The following ASZ1 variants were observed in gnomAD, a reference collection of about 807,000 sequenced individuals.
ASZ1 encodes ankyrin repeat, SAM and basic leucine zipper domain-containing protein 1.
In ASZ1, 67 loss-of-function variants were observed where a neutral mutation model predicts 61.8. That is an observed-to-expected ratio of 1.08 (90% CI 0.89 to 1.33). The LOEUF is 1.33. Ranked by LOEUF, ASZ1 falls within the 40% of genes most tolerant of loss-of-function variation. The pLI, the probability that ASZ1 is intolerant of heterozygous loss-of-function variation, is 0.00. For synonymous variants in ASZ1, 193 were observed against 192.7 expected (o/e 1.00, Z -0.01); for missense variants, 577 against 554.5 (o/e 1.04, Z -0.41).
intron 4 of ASZ1, among the ~76,000 whole-genome samples, chr7:117,404,110 T>C (rs369656210): frequency 1.7e-4 from 26 of 152,288 alleles, no homozygotes; most frequent in African/African-American, 6.0e-4. Flanking sequence ...AGTCTATTTT[T>C]AGGTGACCTA....
chr7:117,368,819 C>G (rs1795994358), intron 10 of ASZ1, 102 bp from the exon 11 acceptor site: 1 of 1,552,898 alleles, frequency 6.4e-7, no homozygotes, highest in East Asian at 2.3e-5. Context: ...AAATTAGATT[C>G]TTCCAAAAGA....
chr7:117,427,464 A>G lies in ASZ1; in HGVS notation c.-4T>C, dbSNP rs1196507726. On this transcript the variant is annotated 5_prime_UTR_variant, in exon 1 of 13. Transcript: ENST00000284629. ...CTCGCAGCGCGCTCGCCGCCATGCC[A>G]GCCAAGGAAGCTCCCTGTCGGCACC... 5.6e-6 allele frequency: 9 copies of G among 1,613,584 alleles called. No homozygotes were observed. Among genetic ancestry groups the G allele is most frequent in the South Asian group, 2.2e-5 (2 of 91,070 alleles).
At position 117,426,900 on chromosome 7, in the gene ASZ1, TTTC is replaced by T. The variant is rs1287396881; in HGVS notation, c.138_140del (p.Lys47del). On this transcript the variant is annotated inframe_deletion, in exon 2 of 13. Coordinates refer to ENST00000284629, the MANE Select transcript of ASZ1 (RefSeq NM_130768.3). ...TGGTCATTGCTTTCTTAAATTTTTCTTTCTTTTCTTCAATGGGTAATAGCCTTT... is the reference window on the plus strand; with the variant it reads ...TGGTCATTGCTTTCTTAAATTTTTCTTTTTCTTCAATGGGTAATAGCCTTT... 1 of 1,612,998 alleles carries T rather than the reference TTTC, an allele frequency of 6.2e-7. No homozygotes were observed. The highest frequency in any genetic ancestry group is 1.3e-5 in the African/African-American group (1 of 74,832).
In ASZ1 at chr7:117,382,063, T is replaced by G. The variant is rs762989561; in HGVS notation, c.888+6A>C. 4 of 1,538,902 alleles carry G rather than the reference T, an allele frequency of 2.6e-6. No individual in the cohort carries two copies. The highest frequency in any genetic ancestry group is 1.7e-4 in the Middle Eastern group (1 of 5,878). The stretch of plus-strand genomic sequence containing the variant: ...ATAACTCACTGTAGGTTATATAAGA[T>G]CTTACCTTTAGTAAATCTGTCATAT... On this transcript the variant is annotated splice_donor_region_variant and intron_variant, in intron 8 of 12. Transcript: ENST00000284629.
chr7:117,379,808 C>T, intron 10 of ASZ1, 130 bp downstream of exon 10: 1 of 557,916 alleles, frequency 1.8e-6, no homozygotes, highest in Non-Finnish European at 3.0e-6. Flanking sequence ...AACACAGTAT[C>T]TTCCAAAATC....
chr7:117,371,824 T>C (rs988319804), intron 10 of ASZ1, among the ~76,000 whole-genome samples: 8 of 152,192 alleles, frequency 5.3e-5, no homozygotes, highest in African/African-American at 1.9e-4. Context: ...AAGTATCAAC[T>C]GATAGCAGGT....
intron 4 of ASZ1, among the ~76,000 whole-genome samples, chr7:117,404,429 T>C (rs1253462125): frequency 6.6e-6 from 1 of 151,764 alleles, no homozygotes; most frequent in Non-Finnish European, 1.5e-5. Flanking sequence ...TTTTTTTTTT[T>C]TTGACTCCTT....
chr7:117,384,358 G>A (rs1796308624), intron 6 of ASZ1, among the ~76,000 whole-genome samples: 1 of 152,122 alleles, frequency 6.6e-6, no homozygotes, highest in South Asian at 2.1e-4. Context: ...ACTTACAAAA[G>A]AATGTTTGAG....
At chr7:117,418,152 T>C (rs534263729) in intron 4 of ASZ1, among the ~76,000 whole-genome samples, 26 of 152,256 alleles carry the variant, frequency 1.7e-4, no homozygotes, top group African/African-American at 6.0e-4. Context: ...CAAAATCTCA[T>C]AGAGGCAGTC....
intron 10 of ASZ1, among the ~76,000 whole-genome samples, chr7:117,372,160 T>C (rs1796061668): frequency 6.6e-6 from 1 of 152,088 alleles, no homozygotes; most frequent in Non-Finnish European, 1.5e-5. Context: ...ATTTAAAAAA[T>C]TCAAAATAAG....
At position 117,363,222 on chromosome 7, in the gene ASZ1, A is replaced by T. The variant is rs1028919763; in HGVS notation, c.*374T>A. ...CCATATTATGTAATAATGGAGGGGG[A>T]AAAAAGAAACAAAAGAAAGCTCAAT... On this transcript the variant is annotated 3_prime_UTR_variant, in exon 13 of 13. Coordinates refer to ENST00000284629, the MANE Select transcript of ASZ1 (RefSeq NM_130768.3). The T allele has an allele frequency of 6.5e-6, 1 of 153,186 alleles. No homozygotes were observed. Among genetic ancestry groups the T allele is most frequent in the Non-Finnish European group, 1.5e-5 (1 of 68,728 alleles). The allele number at this position is 153,186 out of a possible 1,614,324, so 9.5% of individuals were successfully genotyped here.
rs201983725 is a variant in ASZ1 at position 117,427,478 on chromosome 7, C to T, written c.-18G>A. 3.1e-6 allele frequency: 5 copies of T among 1,612,776 alleles called. No individual in the cohort carries two copies. The highest frequency in any genetic ancestry group is 1.3e-5 in the African/African-American group (1 of 75,036). On this transcript the variant is annotated 5_prime_UTR_variant, in exon 1 of 13. Transcript: ENST00000284629. Reference sequence around the variant, plus strand: ...GCCGCCATGCCAGCCAAGGAAGCTCCCTGTCGGCACCGCGCGCCCTTCAGC... The same window carrying T: ...GCCGCCATGCCAGCCAAGGAAGCTCTCTGTCGGCACCGCGCGCCCTTCAGC...
chr7:117,381,460 C>T (rs1484958434), intron 8 of ASZ1, among the ~76,000 whole-genome samples: 1 of 152,052 alleles, frequency 6.6e-6, no homozygotes, highest in Non-Finnish European at 1.5e-5. Context: ...CAAGATTATA[C>T]AATGAAGCAC....
At chr7:117,373,950 G>A (rs1370844984) in intron 10 of ASZ1, among the ~76,000 whole-genome samples, 1 of 152,074 alleles carries the variant, frequency 6.6e-6, no homozygotes, top group East Asian at 1.9e-4. Context: ...AAGAAGGTGT[G>A]CTGATTTTTA....
chr7:117,371,304 T>G (rs1796047186), intron 10 of ASZ1, among the ~76,000 whole-genome samples: 1 of 152,168 alleles, frequency 6.6e-6, no homozygotes, highest in Admixed American at 6.5e-5. Flanking sequence ...TATAGTATTT[T>G]CATTTAAGAC....
chr7:117,391,377 C>G (rs1796464671), intron 4 of ASZ1, among the ~76,000 whole-genome samples: 1 of 152,108 alleles, frequency 6.6e-6, no homozygotes, highest in Non-Finnish European at 1.5e-5. Flanking sequence ...AAATTCTTTG[C>G]ATAGGGTAAG....
intron 4 of ASZ1, among the ~76,000 whole-genome samples, chr7:117,419,435 C>T (rs1349130217): frequency 6.6e-6 from 1 of 152,048 alleles, no homozygotes; most frequent in East Asian, 1.9e-4. Context: ...TTCTGTATAT[C>T]AGGTACTAGA....
intron 9 of ASZ1, 95 bp from the exon 10 acceptor site, chr7:117,380,142 T>A: frequency 1.3e-6 from 1 of 788,764 alleles, no homozygotes; most frequent in Admixed American, 2.7e-5. Flanking sequence ...TGAATTCACA[T>A]CTTGAAAAAA....
At chr7:117,399,890 G>A (rs1482812995) in intron 4 of ASZ1, among the ~76,000 whole-genome samples, 1 of 152,048 alleles carries the variant, frequency 6.6e-6, no homozygotes, top group African/African-American at 2.4e-5. Context: ...ATAAAAGTTG[G>A]TTAAAAAGAA....
Sources: allele counts gnomAD v4.1 joint callset (sites outside exome capture counted in the v4.1 genomes callset), GRCh38; gene constraint gnomAD v4.1.1; transcripts MANE v1.5; gene names NCBI Gene and HGNC (gene_info 2026-07-23, HGNC 2026-07-21).